The following ZNF331 variants were observed in gnomAD, a reference collection of about 807,000 sequenced individuals.
The protein encoded by ZNF331 is zinc finger protein 331.
ZNF331 carries 2 observed loss-of-function variants against 7.0 expected under a neutral mutation model. The ratio of observed to expected loss-of-function variants is 0.29; its 90% confidence interval spans 0.12 to 0.90. ZNF331 has a LOEUF of 0.90. ZNF331 is among the 40% of genes least tolerant of loss of function. The pLI, the probability that ZNF331 is intolerant of heterozygous loss-of-function variation, is 0.58. For missense variants in ZNF331, 432 were observed against 587.7 expected, an observed-to-expected ratio of 0.74 and a Z score of 2.74; for synonymous variants, 196 against 205.4, an observed-to-expected ratio of 0.95 and a Z score of 0.39.
At chr19:53,526,860 A>T (rs1210902824) in intron 2 of ZNF331, among the ~76,000 whole-genome samples, 1 of 151,502 alleles carries the variant, frequency 6.6e-6, no homozygotes, top group East Asian at 2.0e-4. Flanking sequence ...CCCGGGAACT[A>T]ATTTTTTTTA....
In ZNF331 at chr19:53,578,307, G is replaced by GTGA. The variant is rs200848892; in HGVS notation, c.*358_*360dup. The GTGA allele has an allele frequency of 5.8e-3, 1,513 of 259,780 alleles. 11 individuals carry two copies. The highest frequency in any genetic ancestry group is 8.1e-3 in the Non-Finnish European group (1,086 of 133,312). 16.1% of individuals were successfully genotyped at this position (259,780 alleles called of 1,614,324 possible). On this transcript the variant is annotated 3_prime_UTR_variant, in exon 6 of 6. Coordinates refer to ENST00000449416, the MANE Select transcript of ZNF331 (RefSeq NM_001079906.2). ...ACAGTGGCCCCAGAGAGCAGGAGTA[G>GTGA]TGATGCTGGTGATTCGGATATGCCA...
chr19:53,536,666 G>A (rs1326986987), upstream of ZNF331, among the ~76,000 whole-genome samples: 2 of 152,170 alleles, frequency 1.3e-5, no homozygotes, highest in African/African-American at 4.8e-5. Context: ...TTGTGAGGCC[G>A]AGGCAGGCGG....
intron 2 of ZNF331, among the ~76,000 whole-genome samples, chr19:53,528,354 T>C (rs1021345811): frequency 2.0e-5 from 3 of 152,222 alleles, no homozygotes; most frequent in African/African-American, 7.2e-5. Context: ...AACAGCAGCC[T>C]CATGTTTCTT....
chr19:53,511,880 T>G, the ZNF331 span: 1 of 152,216 alleles, frequency 6.6e-6, no homozygotes, highest in African/African-American at 2.4e-5. Flanking sequence ...CGAAACTGAA[T>G]AGTGAACTTC....
chr19:53,580,269 G>C lies in ZNF331; in HGVS notation c.*2317G>C, dbSNP rs2090874859. The stretch of plus-strand genomic sequence containing the variant: ...TATTAATAAAATCAAAGATGAGCAG[G>C]TCTCTTTGTTGGATATTCAAACACG... On this transcript the variant is annotated 3_prime_UTR_variant, in exon 6 of 6. Coordinates refer to ENST00000449416, the MANE Select transcript of ZNF331 (RefSeq NM_001079906.2). 5.6e-6 allele frequency: 1 copy of C among 179,352 alleles called. No individual in the cohort carries two copies. Among genetic ancestry groups the C allele is most frequent in the Non-Finnish European group, 1.2e-5 (1 of 83,872 alleles). The allele number at this position is 179,352 out of a possible 1,614,324, so 11.1% of individuals were successfully genotyped here.
At position 53,558,822 on chromosome 19, in the gene ZNF331, A is replaced by T. The variant is rs115998531; in HGVS notation, c.-74+2914A>T. The stretch of plus-strand genomic sequence containing the variant: ...ACACACTCATACCCCATATATACAC[A>T]CATATAGGCACCTACATATATACAC... On this transcript the variant is annotated intron_variant, in intron 3 of 5. Transcript: ENST00000449416. This position sits in a 1 kb window ranked among gnomAD's most constrained non-coding sequence, Gnocchi z 4.5. 0.012 allele frequency among the ~76,000 whole-genome samples: 1,778 copies of T among 151,872 alleles called. 33 individuals are homozygous for T. The highest frequency in any genetic ancestry group is 0.039 in the African/African-American group (1,629 of 41,334).
intron 2 of ZNF331, among the ~76,000 whole-genome samples, chr19:53,544,925 G>T (rs1244381203): frequency 2.0e-5 from 3 of 151,948 alleles, no homozygotes; most frequent in African/African-American, 7.2e-5. Context: ...GTAGAGACGG[G>T]GTTTCACCAT....
In ZNF331 at chr19:53,576,818, A is replaced by C; in HGVS notation, c.258A>C (p.Glu86Asp). Residue 86 changes from glutamate (E) to aspartate (D), a missense_variant, in exon 6 of 6, where the codon GAA becomes GAC. This residue lies in a region of ZNF331 where 81 missense variants were observed against 70.3 expected (regional missense o/e 1.15). Transcript: ENST00000449416. ...CCCTTGGCCGTAACTGGATATGTGA[A>C]GGTACGCTTGAAAGACCACAGCGCT... ...SKSLGRNWIC[E>D]GTLERPQRSR... is the part of the protein sequence containing the mutation. 1 of 1,614,198 alleles carries C rather than the reference A, an allele frequency of 6.2e-7. No homozygotes were observed. Among genetic ancestry groups the C allele is most frequent in the Non-Finnish European group, 8.5e-7 (1 of 1,180,046 alleles).
At position 53,577,453 on chromosome 19, in the gene ZNF331, C is replaced by G; in HGVS notation, c.893C>G (p.Pro298Arg). The change falls in exon 6 of 6, where the codon CCC becomes CGC. Residue 298 changes from proline (P) to arginine (R), a missense_variant. Pro to Arg is a moderately radical substitution (Grantham distance 103). Coordinates refer to ENST00000449416, the MANE Select transcript of ZNF331 (RefSeq NM_001079906.2). The part of the protein sequence containing the change: ...QHKRIHTGEK[P>R]YECQECGKAF... ...AAAAGAATTCACACAGGTGAGAAACCCTATGAATGTCAAGAATGTGGGAAG... is the reference window on the plus strand; with the variant it reads ...AAAAGAATTCACACAGGTGAGAAACGCTATGAATGTCAAGAATGTGGGAAG... 2 of 1,614,126 alleles carry G rather than the reference C, an allele frequency of 1.2e-6. No homozygotes were observed. Among genetic ancestry groups the G allele is most frequent in the Non-Finnish European group, 8.5e-7 (1 of 1,180,030 alleles).
intron 1 of ZNF331, among the ~76,000 whole-genome samples, chr19:53,522,437 A>G (rs890612599): frequency 6.6e-6 from 1 of 151,914 alleles, no homozygotes; most frequent in East Asian, 1.9e-4. Context: ...GGATTTCACC[A>G]TGTTGGCATA....
the ZNF331 span, among the ~76,000 whole-genome samples, chr19:53,506,411 CCTCTCT>C: frequency 0.015 from 1,112 of 74,350 alleles, 31 homozygotes; most frequent in African/African-American, 0.051. Context: ...CTCTCTCTCT[CCTCTCT>C]CTCTCTCTCT....
rs2090436626 is a variant in ZNF331, at chr19:53,571,354, C to T, written c.10-250C>T. On this transcript the variant is annotated intron_variant, in intron 4 of 5. Coordinates refer to ENST00000449416, the MANE Select transcript of ZNF331 (RefSeq NM_001079906.2). The surrounding 1 kb of genome is among the most constrained non-coding windows in gnomAD (Gnocchi z 4.7). ...AAACTTGGATTGTTTTATCCACTTC[C>T]TGGCAGGTTTGACTAACTGAGGATT... Among the ~76,000 whole-genome samples the T allele has an allele frequency of 1.3e-5, 2 of 152,188 alleles. No homozygotes were observed. Among genetic ancestry groups the T allele is most frequent in the Admixed American group, 6.5e-5 (1 of 15,274 alleles).
At chr19:53,574,186 C>T (rs1434386766) in intron 5 of ZNF331, among the ~76,000 whole-genome samples, 1 of 152,066 alleles carries the variant, frequency 6.6e-6, no homozygotes, top group East Asian at 1.9e-4. Context: ...GTTCTATGTC[C>T]TCTAGCATTT....
In ZNF331 at chr19:53,577,021, C is replaced by T; in HGVS notation, c.461C>T (p.Thr154Ile). ...YQLSQHQKIH[T>I]GEKPYECKEC... ...CTTAGTCAACATCAGAAAATCCATACTGGTGAGAAACCTTATGAATGTAAA... is the reference window on the plus strand; with the variant it reads ...CTTAGTCAACATCAGAAAATCCATATTGGTGAGAAACCTTATGAATGTAAA... The change falls in exon 6 of 6, where the codon ACT (threonine) becomes ATT (isoleucine). Residue 154 changes from threonine (T) to isoleucine (I), a missense_variant. By Grantham distance (89) the Thr-to-Ile change is moderately conservative. Coordinates refer to ENST00000449416, the MANE Select transcript of ZNF331 (RefSeq NM_001079906.2). 1 of 1,613,348 alleles carries T rather than the reference C, an allele frequency of 6.2e-7. No homozygotes were observed. The highest frequency in any genetic ancestry group is 8.5e-7 in the Non-Finnish European group (1 of 1,179,664).
upstream of ZNF331, among the ~76,000 whole-genome samples, chr19:53,519,658 C>T (rs2617656): frequency 0.013 from 1,964 of 152,318 alleles, 38 homozygotes; most frequent in African/African-American, 0.045. Context: ...AGGTAACACT[C>T]ACAGAGACAT....
In ZNF331 at chr19:53,540,808, C is replaced by T. The variant is rs913132871; in HGVS notation, c.-138+1526C>T. Among the ~76,000 whole-genome samples, 19 of 152,022 alleles carry T rather than the reference C, an allele frequency of 1.2e-4. No individual in the cohort carries two copies. The East Asian group carries it at 2.7e-3, about 22-fold the overall frequency. ...CCCCACATGCCTTGGTTTGTGACCC[C>T]TTCTTCCATCATCAAAGCTGCAAAG... On this transcript the variant is annotated intron_variant, in intron 2 of 5. Transcript: ENST00000449416.
chr19:53,555,978 C>G (rs1266111152), intron 3 of ZNF331, 70 bp downstream of exon 3: 1 of 150,966 alleles, frequency 6.6e-6, no homozygotes, highest in Non-Finnish European at 1.5e-5. Context: ...GGCGCAGTGG[C>G]TCACGCCTGT....
At position 53,577,127 on chromosome 19, in the gene ZNF331, T is replaced by A; in HGVS notation, c.567T>A (p.Cys189Ter). The A allele has an allele frequency of 6.2e-7, 1 of 1,614,164 alleles. No homozygotes were observed. The change falls in exon 6 of 6, where the codon TGT (cysteine) becomes TGA (stop). Residue 189 changes from cysteine (C) to a stop codon, truncating the protein, a stop_gained. Coordinates refer to ENST00000449416, the MANE Select transcript of ZNF331 (RefSeq NM_001079906.2). LOFTEE classifies it low-confidence loss of function (END_TRUNC). ...ATACTGGGGAGAAGCCCTACGAATG[T>A]AAAGACTGTGGGAAGGCTTTTCGAT... ...KIHTGEKPYE[C>*]KDCGKAFRWG...
At chr19:53,511,587 A>G in the ZNF331 span, among the ~76,000 whole-genome samples, 2 of 152,262 alleles carry the variant, frequency 1.3e-5, no homozygotes, top group African/African-American at 2.4e-5. Context: ...AAACAATAAC[A>G]TGGTGGTTTT....
Sources: allele counts gnomAD v4.1 joint callset (sites outside exome capture counted in the v4.1 genomes callset), GRCh38; gene constraint gnomAD v4.1.1; regional missense constraint gnomAD v4.1.1; non-coding constraint Gnocchi (gnomAD v3.1); transcripts MANE v1.5; gene names NCBI Gene and HGNC (gene_info 2026-07-23, HGNC 2026-07-21).